The following PRMT8 variants were observed in gnomAD, a reference collection of about 807,000 sequenced individuals.
The protein encoded by PRMT8 is protein arginine methyltransferase 8, also known as protein arginine N-methyltransferase 8.
A neutral mutation model predicts 47.1 loss-of-function variants in PRMT8; 7 were observed. The observed-to-expected ratio is 0.15, with a 90% CI of 0.08 to 0.28. The LOEUF (loss-of-function observed/expected upper bound fraction) is 0.28. Ranked by LOEUF, PRMT8 falls within the 10% of genes least tolerant of loss-of-function variation. The probability of loss-of-function intolerance (pLI) is 1.00; values close to 1 mark genes in which losing one functional copy is unlikely to be tolerated. For synonymous variants in PRMT8, 188 were observed against 186.5 expected, an observed-to-expected ratio of 1.01 and a Z score of -0.07; for missense variants, 237 against 505.4, an observed-to-expected ratio of 0.47 and a Z score of 5.09.
rs1205443443 is a variant in PRMT8, at chr12:3,576,246, A to T, written c.713-625A>T. On this transcript the variant is annotated intron_variant, in intron 6 of 9. Coordinates refer to ENST00000382622, the MANE Select transcript of PRMT8 (RefSeq NM_019854.5). This position sits in a 1 kb window ranked among gnomAD's most constrained non-coding sequence, Gnocchi z 4.0. ...ATCTTGGCATACAAGGAAGGCAGAG[A>T]TGCTCCTGGACCCACCCAGGTGAGA... 6.6e-6 allele frequency among the ~76,000 whole-genome samples: 1 copy of T among 152,210 alleles called. No individual in the cohort carries two copies. The highest frequency in any genetic ancestry group is 1.5e-5 in the Non-Finnish European group (1 of 68,038).
intron 4 of PRMT8, among the ~76,000 whole-genome samples, chr12:3,565,918 G>A (rs564870736): frequency 2.4e-4 from 36 of 152,236 alleles, no homozygotes; most frequent in Non-Finnish European, 4.6e-4. Flanking sequence ...AATTGTCATG[G>A]GTGGAGCCTT....
chr12:3,467,824 G>A (rs904436789), intron 1 of PRMT8, among the ~76,000 whole-genome samples: 2 of 152,218 alleles, frequency 1.3e-5, no homozygotes, highest in Admixed American at 6.5e-5. Flanking sequence ...CACCTGAAGC[G>A]AAGCGAAGGG....
In PRMT8 at chr12:3,550,354, A is replaced by C; in HGVS notation, c.417+263A>C. 2.3e-6 allele frequency: 1 copy of C among 425,732 alleles called. No homozygotes were observed. The highest frequency in any genetic ancestry group is 4.3e-6 in the Non-Finnish European group (1 of 232,830). 26.4% of individuals were successfully genotyped at this position (425,732 alleles called of 1,614,324 possible). On this transcript the variant is annotated intron_variant, in intron 3 of 9. Coordinates refer to ENST00000382622, the MANE Select transcript of PRMT8 (RefSeq NM_019854.5). This position sits in a 1 kb window ranked among gnomAD's most constrained non-coding sequence, Gnocchi z 5.1. Reference sequence around the variant, plus strand: ...CTGAGACCATTCCAATGTCATCATGACCTTTCAGTGCTTAGCCCCAAGGTC... The same window carrying C: ...CTGAGACCATTCCAATGTCATCATGCCCTTTCAGTGCTTAGCCCCAAGGTC...
chr12:3,519,307 T>C (rs11062694), intron 1 of PRMT8, among the ~76,000 whole-genome samples: 29,089 of 151,888 alleles, frequency 0.19, 3,258 homozygotes, highest in Middle Eastern at 0.31. Context: ...ACACTGAAGA[T>C]GAGACTGGGG....
chr12:3,575,694 A>G (rs1866927806), intron 6 of PRMT8, among the ~76,000 whole-genome samples: 1 of 152,208 alleles, frequency 6.6e-6, no homozygotes, highest in African/African-American at 2.4e-5. Flanking sequence ...TTAAATGAAG[A>G]GTCTGGCCTG....
At position 3,498,606 on chromosome 12, in the gene PRMT8, G is replaced by C. The variant is rs542542443; in HGVS notation, c.75+6906G>C. Among the ~76,000 whole-genome samples, 10 of 152,218 alleles carry C rather than the reference G, an allele frequency of 6.6e-5. No homozygotes were observed. The East Asian group carries it at 1.7e-3, about 26-fold the overall frequency. On this transcript the variant is annotated intron_variant, in intron 1 of 9. Transcript: ENST00000382622. Reference sequence around the variant, plus strand: ...AACTATCCCTAGGCGTGGGTTCCTAGCTGGACCCAGTAGACAATGTACTTG... The same window carrying C: ...AACTATCCCTAGGCGTGGGTTCCTACCTGGACCCAGTAGACAATGTACTTG...
In PRMT8 at chr12:3,422,395, C is replaced by A. The variant is rs11062642; in HGVS notation, c.48+40953C>A. Among the ~76,000 whole-genome samples the A allele has an allele frequency of 5.9e-3, 904 of 152,276 alleles. 14 individuals are homozygous for A. The highest frequency in any genetic ancestry group is 0.021 in the African/African-American group (871 of 41,546). ...CAGCTGTAGCAGCACAAGCTGCAGACAAGAACCCTTCAGACACCAAGTTGT... is the reference window on the plus strand; with the variant it reads ...CAGCTGTAGCAGCACAAGCTGCAGAAAAGAACCCTTCAGACACCAAGTTGT... On this transcript the variant is annotated intron_variant, in intron 1 of 9. Transcript: ENST00000452611.
At chr12:3,403,225 C>G (rs1417468013) in intron 1 of PRMT8, among the ~76,000 whole-genome samples, 1 of 152,092 alleles carries the variant, frequency 6.6e-6, no homozygotes, top group African/African-American at 2.4e-5. Flanking sequence ...GAACAGAAAA[C>G]CAAACACTGC....
At chr12:3,475,845 C>G (rs1865207032) in intron 1 of PRMT8, among the ~76,000 whole-genome samples, 1 of 152,230 alleles carries the variant, frequency 6.6e-6, no homozygotes, top group Non-Finnish European at 1.5e-5. Flanking sequence ...TTGTTATGCT[C>G]ATTCTCTTCT....
chr12:3,474,086 A>G (rs956817442), intron 1 of PRMT8, among the ~76,000 whole-genome samples: 6 of 152,152 alleles, frequency 3.9e-5, no homozygotes, highest in Non-Finnish European at 7.4e-5. Context: ...TACAAATGCA[A>G]ATTGGCTCAT....
intron 3 of PRMT8, chr12:3,551,083 C>CCT (rs1555092740): frequency 4.7e-5 from 7 of 149,520 alleles, no homozygotes; most frequent in African/African-American, 1.5e-4. Context: ...GGGACCCCCC[C>CCT]CCGCCCACTG....
At chr12:3,575,597 A>G (rs1160201388) in intron 6 of PRMT8, among the ~76,000 whole-genome samples, 2 of 152,182 alleles carry the variant, frequency 1.3e-5, no homozygotes, top group Non-Finnish European at 2.9e-5. Flanking sequence ...TGGGCCAGAT[A>G]TTATATGAGA....
In PRMT8 at chr12:3,572,241, CGAAGGAAG is replaced by C. The variant is rs563204054; in HGVS notation, c.712+2693_712+2700del. Among the ~76,000 whole-genome samples, 2 of 151,710 alleles carry C rather than the reference CGAAGGAAG, an allele frequency of 1.3e-5. No individual in the cohort carries two copies. Among genetic ancestry groups the C allele is most frequent in the African/African-American group, 2.4e-5 (1 of 41,266 alleles). ...CTAGGCTCACAATACATAATTTTAA[CGAAGGAAG>C]GAAGGAAGGAAGGAAAGTGAACCAG... On this transcript the variant is annotated intron_variant, in intron 6 of 9. Transcript: ENST00000382622. The surrounding 1 kb of genome is among the most constrained non-coding windows in gnomAD (Gnocchi z 5.9).
chr12:3,436,575 A>G lies in PRMT8; in HGVS notation c.48+55133A>G, dbSNP rs554496725. 1.3e-5 allele frequency among the ~76,000 whole-genome samples: 2 copies of G among 152,178 alleles called. No individual in the cohort carries two copies. On this transcript the variant is annotated intron_variant, in intron 1 of 9. Transcript: ENST00000452611. The surrounding 1 kb of genome is among the most constrained non-coding windows in gnomAD (Gnocchi z 4.2). ...TCATGCCACCAGTAATTTTTCTAAG[A>G]GGAGGCAGGAATGCGGCCGACTGGG... is the stretch of plus-strand genomic sequence containing the variant.
At chr12:3,548,479 T>G (rs1480795049) in intron 2 of PRMT8, among the ~76,000 whole-genome samples, 1 of 152,170 alleles carries the variant, frequency 6.6e-6, no homozygotes, top group East Asian at 1.9e-4. Flanking sequence ...TGCAATTCAG[T>G]AAGAACAAGA....
In PRMT8 at chr12:3,474,852, A is replaced by G. The variant is rs888842775; in HGVS notation, c.49-65754A>G. Among the ~76,000 whole-genome samples, 3 of 152,320 alleles carry G rather than the reference A, an allele frequency of 2.0e-5. No homozygotes were observed. The East Asian group carries it at 5.8e-4, about 29-fold the overall frequency. On this transcript the variant is annotated intron_variant, in intron 1 of 9. Transcript: ENST00000452611. ...TATCTTCATATCCCCAGCACCTAGC[A>G]TGGGACCTGACATATTAGGCTGTCA...
rs139873297 is a variant in PRMT8, at chr12:3,535,608, G to C, written c.76-4998G>C. 8.0e-3 allele frequency among the ~76,000 whole-genome samples: 1,225 copies of C among 152,252 alleles called. 21 individuals are homozygous for C. The highest frequency in any genetic ancestry group is 0.027 in the African/African-American group (1,133 of 41,532). Reference sequence around the variant, plus strand: ...CAACAGGACAAGGCTGGAGGCGATGGTGCAGAAACAGGTACCAGAACCGAC... The same window carrying C: ...CAACAGGACAAGGCTGGAGGCGATGCTGCAGAAACAGGTACCAGAACCGAC... On this transcript the variant is annotated intron_variant, in intron 1 of 9. Transcript: ENST00000382622. The surrounding 1 kb of genome is among the most constrained non-coding windows in gnomAD (Gnocchi z 4.7).
intron 4 of PRMT8, among the ~76,000 whole-genome samples, chr12:3,556,669 T>G (rs916576333): frequency 2.0e-5 from 3 of 151,984 alleles, no homozygotes; most frequent in East Asian, 1.9e-4. Flanking sequence ...GGAAGAAGTT[T>G]TTTTAAAAAA....
At chr12:3,540,220 C>G (rs1157793285) in intron 1 of PRMT8, among the ~76,000 whole-genome samples, 1 of 152,328 alleles carries the variant, frequency 6.6e-6, no homozygotes, top group South Asian at 2.1e-4. Context: ...GCTCCGGAAT[C>G]TACACTCTCA....
Sources: allele counts gnomAD v4.1 joint callset (sites outside exome capture counted in the v4.1 genomes callset), GRCh38; gene constraint gnomAD v4.1.1; non-coding constraint Gnocchi (gnomAD v3.1); transcripts MANE v1.5; gene names NCBI Gene and HGNC (gene_info 2026-07-23, HGNC 2026-07-21).